Variants in TCERG1 observed in about 807,000 individuals in gnomAD.
TCERG1 encodes TATA box binding protein (TBP)-associated factor, RNA polymerase II, S, 150kD.
Under a neutral mutation model 144.7 loss-of-function variants are expected in TCERG1, and 37 were observed. The observed-to-expected ratio is 0.26, with a 90% CI of 0.20 to 0.34. TCERG1 has a LOEUF of 0.34. TCERG1 is among the 10% of genes least tolerant of loss of function. TCERG1 has a pLI of 1.00. For missense variants in TCERG1, 1,027 were observed against 1,380.7 expected, an observed-to-expected ratio of 0.74 and a Z score of 4.06; for synonymous variants, 492 against 458.2, an observed-to-expected ratio of 1.07 and a Z score of -0.94.
intron 1 of TCERG1, among the ~76,000 whole-genome samples, chr5:146,449,201 C>T (rs1762150953): frequency 6.6e-6 from 1 of 152,068 alleles, no homozygotes. Flanking sequence ...CTGTCATAAC[C>T]GCCTGGCAAA....
chr5:146,454,703 T>A (rs1762674307), intron 1 of TCERG1, among the ~76,000 whole-genome samples: 1 of 152,208 alleles, frequency 6.6e-6, no homozygotes, highest in Non-Finnish European at 1.5e-5. Context: ...GTTCAAGTGA[T>A]TCTCCTGCCT....
At chr5:146,451,207 T>A (rs190112181) in intron 1 of TCERG1, among the ~76,000 whole-genome samples, 1 of 151,964 alleles carries the variant, frequency 6.6e-6, no homozygotes, top group Non-Finnish European at 1.5e-5. Flanking sequence ...GGTGATTATC[T>A]TTTTTTTGCC....
intron 19 of TCERG1, among the ~76,000 whole-genome samples, chr5:146,506,662 G>A (rs1407686257): frequency 6.6e-6 from 1 of 152,046 alleles, no homozygotes; most frequent in Non-Finnish European, 1.5e-5. Context: ...TCTCTCCCTT[G>A]TCCTGTCTCC....
At chr5:146,470,896 G>GT (rs11463725) in intron 8 of TCERG1, 148 bp downstream of exon 8, 319,539 of 542,568 alleles carry the variant, frequency 0.59, 100,345 homozygotes, top group Non-Finnish European at 0.64. Context: ...TCTTAATTCA[G>GT]TTTTTTCTTT....
chr5:146,457,126 T>G (rs1561635472), intron 2 of TCERG1, 57 bp from the exon 3 acceptor site: 11 of 1,578,776 alleles, frequency 7.0e-6, no homozygotes, highest in Non-Finnish European at 9.5e-6. Flanking sequence ...TAGAATTCAG[T>G]AATAATTTGG....
chr5:146,484,301 T>A (rs562985526), intron 15 of TCERG1, among the ~76,000 whole-genome samples: 1 of 152,292 alleles, frequency 6.6e-6, no homozygotes, highest in South Asian at 2.1e-4. Flanking sequence ...ACACATATCA[T>A]TTCGTGATTG....
chr5:146,508,496 A>G (rs909501186), intron 21 of TCERG1, among the ~76,000 whole-genome samples: 5 of 152,208 alleles, frequency 3.3e-5, no homozygotes, highest in Admixed American at 3.3e-4. Context: ...TCATAAATCT[A>G]ATATTCTTCC....
intron 15 of TCERG1, among the ~76,000 whole-genome samples, chr5:146,485,138 C>T (rs2150589118): frequency 6.6e-6 from 1 of 152,258 alleles, no homozygotes; most frequent in Non-Finnish European, 1.5e-5. Context: ...TTGATTACAG[C>T]CACACTGGCC....
At position 146,463,622 on chromosome 5, in the gene TCERG1, C is replaced by T; in HGVS notation, c.964C>T (p.Pro322Ser). ...CACGCCTACAGTTAGTGTTTCAACT[C>T]CTGCTCCTACAGCCACACCTGTGCA... ...VATPTVSVST[P>S]APTATPVQTV... is the part of the protein sequence containing the mutation. Residue 322 changes from proline (P) to serine (S), a missense_variant, in exon 5 of 23, where the codon CCT (proline) becomes TCT (serine). Pro to Ser is a moderately conservative substitution (Grantham distance 74, BLOSUM62 -1). This residue lies in a region of TCERG1 where 187 missense variants were observed against 169.1 expected (regional missense o/e 1.11). Coordinates refer to ENST00000679501, the MANE Select transcript of TCERG1 (RefSeq NM_001382548.1). The T allele has an allele frequency of 1.2e-6, 2 of 1,614,216 alleles. No homozygotes were observed. The highest frequency in any genetic ancestry group is 1.3e-5 in the African/African-American group (1 of 75,054).
At chr5:146,447,456 A>G (rs754811980) in intron 1 of TCERG1, 48 bp downstream of exon 1, 2 of 1,586,662 alleles carry the variant, frequency 1.3e-6, no homozygotes, top group East Asian at 4.6e-5. Context: ...AGAGCCCCAG[A>G]GGCTAGACGC....
intron 13 of TCERG1, 38 bp from the exon 14 acceptor site, chr5:146,482,554 A>AT (rs1765455902): frequency 6.5e-7 from 1 of 1,543,930 alleles, no homozygotes; most frequent in African/African-American, 1.4e-5. Context: ...GAGAATTAAT[A>AT]TTTTGTCAGT....
At chr5:146,496,277 A>G (rs1451828299) in intron 16 of TCERG1, among the ~76,000 whole-genome samples, 1 of 152,154 alleles carries the variant, frequency 6.6e-6, no homozygotes, top group African/African-American at 2.4e-5. Flanking sequence ...TTTTGAATTT[A>G]TAAATTGATG....
At chr5:146,460,407 C>T (rs981307540) in intron 4 of TCERG1, among the ~76,000 whole-genome samples, 5 of 142,172 alleles carry the variant, frequency 3.5e-5, no homozygotes, top group Non-Finnish European at 6.2e-5. Flanking sequence ...AGACTAAGCC[C>T]GAAAGTACTT....
In TCERG1 at chr5:146,503,550, T is replaced by C. The variant is rs776386283; in HGVS notation, c.2598+11T>C. 1.9e-6 allele frequency: 3 copies of C among 1,612,632 alleles called. No homozygotes were observed. The highest frequency in any genetic ancestry group is 1.1e-5 in the South Asian group (1 of 90,910). ...GAAAAAATAGCCAAGGTAACTGTTG[T>C]GTTTACTTGTATTGCTTTCATTGAA... On this transcript the variant is annotated intron_variant, in intron 18 of 22. Coordinates refer to ENST00000679501, the MANE Select transcript of TCERG1 (RefSeq NM_001382548.1).
At chr5:146,492,332 A>G (rs1399112683) in intron 15 of TCERG1, among the ~76,000 whole-genome samples, 2 of 152,124 alleles carry the variant, frequency 1.3e-5, no homozygotes, top group African/African-American at 2.4e-5. Flanking sequence ...TTGTCCCATC[A>G]GCTTTGCAAG....
intron 9 of TCERG1, among the ~76,000 whole-genome samples, chr5:146,473,391 A>G (rs1377620735): frequency 1.3e-5 from 2 of 152,226 alleles, no homozygotes; most frequent in Non-Finnish European, 2.9e-5. Context: ...AGCCATCTCC[A>G]TAACATAAGT....
intron 15 of TCERG1, among the ~76,000 whole-genome samples, chr5:146,489,729 A>G (rs1309704122): frequency 2.6e-5 from 4 of 152,178 alleles, no homozygotes; most frequent in African/African-American, 9.6e-5. Flanking sequence ...ATTTTTGTTC[A>G]TGCCTATAAA....
chr5:146,485,325 G>A lies in TCERG1; in HGVS notation c.2163+1696G>A, dbSNP rs1012941613. ...TTTCTAATTTCTTTATGGTGCTCAT[G>A]GCTCTAATTGTATAAAATTATGTTT... On this transcript the variant is annotated intron_variant, in intron 15 of 22. Transcript: ENST00000679501. 2.9e-4 allele frequency among the ~76,000 whole-genome samples: 44 copies of A among 152,104 alleles called. 1 individual carries two copies. Among genetic ancestry groups the A allele is most frequent in the Admixed American group, 1.0e-3 (16 of 15,272 alleles).
In TCERG1 at chr5:146,482,818, C is replaced by T. The variant is rs193234703; in HGVS notation, c.2073+91C>T. 1.7e-5 allele frequency: 24 copies of T among 1,386,390 alleles called. No individual in the cohort carries two copies. In the Admixed American group the frequency reaches 5.5e-4, roughly 32 times the overall value. 85.9% of individuals were successfully genotyped at this position (1,386,390 alleles called of 1,614,324 possible). A position where few individuals can be genotyped will look rare whatever the true frequency, so the allele number is the denominator to read the frequency against. The stretch of plus-strand genomic sequence containing the variant: ...AAAGGTCAAATCTAAGGTTAGTGCT[C>T]ATGTTATGGGGGGGGATAAGGGGAT... On this transcript the variant is annotated intron_variant, in intron 14 of 22. Coordinates refer to ENST00000679501, the MANE Select transcript of TCERG1 (RefSeq NM_001382548.1).
Sources: allele counts gnomAD v4.1 joint callset (sites outside exome capture counted in the v4.1 genomes callset), GRCh38; gene constraint gnomAD v4.1.1; regional missense constraint gnomAD v4.1.1; transcripts MANE v1.5; gene names NCBI Gene and HGNC (gene_info 2026-07-23, HGNC 2026-07-21).